The following MLIP variants were observed in gnomAD, a reference collection of about 807,000 sequenced individuals.
MLIP encodes muscular LMNA-interacting protein.
MLIP carries 79 observed loss-of-function variants against 84.8 expected under a neutral mutation model. That is an observed-to-expected ratio of 0.93 (90% CI 0.78 to 1.12). The LOEUF is 1.12. Ranked by LOEUF, MLIP falls within the 50% of genes most tolerant of loss-of-function variation. The probability of loss-of-function intolerance (pLI) is 0.00; values close to 1 mark genes in which losing one functional copy is unlikely to be tolerated. For missense variants in MLIP, 1,257 were observed against 1,160.6 expected, an observed-to-expected ratio of 1.08 and a Z score of -1.21; for synonymous variants, 504 against 463.0, an observed-to-expected ratio of 1.09 and a Z score of -1.14.
At chr6:54,050,439 CT>C (rs1388505993) in intron 1 of MLIP, among the ~76,000 whole-genome samples, 2 of 152,052 alleles carry the variant, frequency 1.3e-5, no homozygotes, top group Non-Finnish European at 1.5e-5. Flanking sequence ...GTTTAGTACT[CT>C]TTTTTGGGTC....
chr6:54,103,048 T>G (rs1768770598), intron 1 of MLIP, among the ~76,000 whole-genome samples: 2 of 152,066 alleles, frequency 1.3e-5, no homozygotes, highest in Non-Finnish European at 2.9e-5. Flanking sequence ...ATCTCTGAGT[T>G]TCTTAGAGCT....
chr6:54,192,537 C>T (rs1004054103), intron 10 of MLIP, among the ~76,000 whole-genome samples: 3 of 151,704 alleles, frequency 2.0e-5, no homozygotes, highest in Admixed American at 2.0e-4. Context: ...AATGAATTTT[C>T]AATATTTGCC....
intron 1 of MLIP, among the ~76,000 whole-genome samples, chr6:54,048,012 G>A (rs900854312): frequency 3.3e-5 from 5 of 152,170 alleles, no homozygotes; most frequent in African/African-American, 1.2e-4. Context: ...TGATGAGAGA[G>A]GGGGAGCAGT....
chr6:54,216,400 T>C (rs1779856561), intron 11 of MLIP: 1 of 982,432 alleles, frequency 1.0e-6, no homozygotes, highest in South Asian at 4.7e-5. Context: ...TAGAAAAACA[T>C]AAAACTCAGC....
At chr6:54,128,966 G>C (rs951087548) in intron 3 of MLIP, among the ~76,000 whole-genome samples, 1 of 152,018 alleles carries the variant, frequency 6.6e-6, no homozygotes, top group Non-Finnish European at 1.5e-5. Context: ...GGAACATGTG[G>C]AGAAGGAGAG....
At chr6:54,158,459 C>T (rs1421511261) in intron 5 of MLIP, among the ~76,000 whole-genome samples, 1 of 152,068 alleles carries the variant, frequency 6.6e-6, no homozygotes, top group Non-Finnish European at 1.5e-5. Context: ...TCTTTTGTAA[C>T]TGTCTTCAGA....
chr6:54,089,515 A>G (rs952617039), intron 1 of MLIP, among the ~76,000 whole-genome samples: 1 of 152,130 alleles, frequency 6.6e-6, no homozygotes, highest in Non-Finnish European at 1.5e-5. Flanking sequence ...CTTGGGTTTC[A>G]GGACAGTTCT....
chr6:54,034,905 A>G (rs1764340641), intron 1 of MLIP, among the ~76,000 whole-genome samples: 1 of 152,104 alleles, frequency 6.6e-6, no homozygotes, highest in African/African-American at 2.4e-5. Context: ...AATGCCCTAT[A>G]CAGGTGTGCC....
chr6:54,265,973 A>C lies in MLIP; in HGVS notation c.*18A>C. The C allele has an allele frequency of 6.2e-7, 1 of 1,611,890 alleles. No homozygotes were observed. Among genetic ancestry groups the C allele is most frequent in the Non-Finnish European group, 8.5e-7 (1 of 1,178,896 alleles). On this transcript the variant is annotated 3_prime_UTR_variant, in exon 14 of 14. Transcript: ENST00000502396. ...AGCAATGAAGTTGGAGCAGAGGCTG[A>C]AAACACAGGCTGCTGAAGTTTTTTG...
intron 9 of MLIP, among the ~76,000 whole-genome samples, chr6:54,188,393 C>A (rs1023836543): frequency 2.6e-5 from 4 of 152,002 alleles, no homozygotes; most frequent in East Asian, 3.8e-4. Flanking sequence ...ATGCATTTTA[C>A]AGCTGTCCAA....
At chr6:54,129,007 G>A (rs1399756424) in intron 3 of MLIP, among the ~76,000 whole-genome samples, 1 of 151,986 alleles carries the variant, frequency 6.6e-6, no homozygotes, top group African/African-American at 2.4e-5. Context: ...TAGCTCAGAA[G>A]TAAGAACTGG....
intron 10 of MLIP, among the ~76,000 whole-genome samples, 192 bp from the exon 11 acceptor site, chr6:54,201,912 AT>A (rs1177153207): frequency 1.3e-5 from 2 of 152,226 alleles, no homozygotes; most frequent in African/African-American, 4.8e-5. Context: ...TTATAGTTAA[AT>A]TTTAACTAAA....
In MLIP at chr6:54,142,644, T is replaced by A. The variant is rs141062408; in HGVS notation, c.2217+4358T>A. 4.4e-3 allele frequency among the ~76,000 whole-genome samples: 663 copies of A among 152,288 alleles called. 9 individuals carry two copies. The highest frequency in any genetic ancestry group is 0.015 in the African/African-American group (611 of 41,556). ...ACTCTTTAGTCTTTGATTTTTACTT[T>A]AAGTAAGACAGGAAGTCTTTGGAGG... is the stretch of plus-strand genomic sequence containing the variant. On this transcript the variant is annotated intron_variant, in intron 4 of 13. Transcript: ENST00000502396.
At chr6:54,220,056 A>G (rs1253125718) in intron 11 of MLIP, among the ~76,000 whole-genome samples, 1 of 152,186 alleles carries the variant, frequency 6.6e-6, no homozygotes, top group Non-Finnish European at 1.5e-5. Context: ...GTGACACCAT[A>G]TCTATGTCTA....
chr6:54,194,533 C>G (rs1162087770), intron 10 of MLIP, among the ~76,000 whole-genome samples: 1 of 152,026 alleles, frequency 6.6e-6, no homozygotes, highest in African/African-American at 2.4e-5. Context: ...TTTTATACAA[C>G]TATTGTAATC....
rs554665830 is a variant in MLIP, at chr6:54,136,803, C to T, written c.734C>T (p.Pro245Leu). 13 of 1,529,484 alleles carry T rather than the reference C, an allele frequency of 8.5e-6. No individual in the cohort carries two copies. Among genetic ancestry groups the T allele is most frequent in the East Asian group, 2.5e-5 (1 of 40,692 alleles). 94.7% of individuals were successfully genotyped at this position (1,529,484 alleles called of 1,614,324 possible). The change falls in exon 4 of 14, where the codon CCC becomes CTC. Residue 245 changes from proline to leucine, a missense_variant. By Grantham distance (98) the Pro-to-Leu change is moderately conservative. Transcript: ENST00000502396. ...FVSPTNPNTP[P>L]DPVNLEGASV... is the part of the protein sequence containing the mutation. ...TCTCCAACTAATCCGAACACACCAC[C>T]CGACCCAGTTAACCTCGAGGGAGCC... is the stretch of plus-strand genomic sequence containing the variant.
intron 1 of MLIP, among the ~76,000 whole-genome samples, chr6:54,025,135 C>G (rs532974834): frequency 6.6e-5 from 10 of 152,018 alleles, no homozygotes; most frequent in Admixed American, 4.6e-4. Context: ...AGGCGTGAGC[C>G]GTTGCGCCCG....
At chr6:54,256,939 T>G (rs1783046135) in intron 12 of MLIP, among the ~76,000 whole-genome samples, 1 of 152,150 alleles carries the variant, frequency 6.6e-6, no homozygotes, top group Admixed American at 6.6e-5. Flanking sequence ...AGAGGCCTAT[T>G]ATCTGAGAGG....
chr6:54,255,475 T>C (rs965790930), intron 12 of MLIP, among the ~76,000 whole-genome samples: 6 of 152,304 alleles, frequency 3.9e-5, no homozygotes, highest in African/African-American at 1.4e-4. Flanking sequence ...ATCACATTTT[T>C]AGTCAGCTTA....
Sources: gnomAD v4.1 joint callset for allele counts (sites outside exome capture counted in the v4.1 genomes callset) on GRCh38, gnomAD v4.1.1 for gene constraint, MANE v1.5 for transcripts, NCBI Gene and HGNC (gene_info 2026-07-23, HGNC 2026-07-21) for gene names.